FAM220A: variants seen among roughly 807,000 people sequenced by gnomAD.
FAM220A encodes family with sequence similarity 220 member A.
For synonymous variants in FAM220A, 141 were observed against 130.7 expected (o/e 1.08, Z -0.54); for missense variants, 392 against 321.6 (o/e 1.22, Z -1.68).
At chr7:6,340,115 C>T (rs1781821650) in intron 1 of FAM220A, among the ~76,000 whole-genome samples, 1 of 151,850 alleles carries the variant, frequency 6.6e-6, no homozygotes, top group Non-Finnish European at 1.5e-5. Context: ...AAACTCCTGA[C>T]CTCAGGTGAT....
chr7:6,348,956 G>A lies in FAM220A; in HGVS notation c.-465C>T. On this transcript the variant is annotated 5_prime_UTR_variant, in exon 1 of 2. Coordinates refer to ENST00000313324, the MANE Select transcript of FAM220A (RefSeq NM_001037163.2). ...GCGAGCAGCCGCCTGTACCAGCCTGGCCGCGCAGCCTGACGTCACAAAGCC... is the reference window on the plus strand; with the variant it reads ...GCGAGCAGCCGCCTGTACCAGCCTGACCGCGCAGCCTGACGTCACAAAGCC... The A allele has an allele frequency of 2.7e-6, 1 of 377,232 alleles. No individual in the cohort carries two copies. Among genetic ancestry groups the A allele is most frequent in the Non-Finnish European group, 4.7e-6 (1 of 213,116 alleles). 23.4% of individuals were successfully genotyped at this position (377,232 alleles called of 1,614,324 possible). A position where few individuals can be genotyped will look rare whatever the true frequency, so the allele number is the denominator to read the frequency against.
In FAM220A at chr7:6,330,472, T is replaced by C. The variant is rs1338876418; in HGVS notation, c.683A>G (p.Lys228Arg). 6.2e-7 allele frequency: 1 copy of C among 1,614,200 alleles called. No individual in the cohort carries two copies. The highest frequency in any genetic ancestry group is 8.5e-7 in the Non-Finnish European group (1 of 1,180,042). ...PMFSKQTIEF[K>R]KMLKSTSDGL... ...ATCTGAGGTGCTTTTAAGCATTTTC[T>C]TGAATTCTATTGTTTGCTTTGAAAA... The change falls in exon 2 of 2, where the codon AAG becomes AGG. Residue 228 changes from lysine (K) to arginine (R), a missense_variant. Coordinates refer to ENST00000313324, the MANE Select transcript of FAM220A (RefSeq NM_001037163.2).
chr7:6,336,754 G>A (rs1001831976), intron 1 of FAM220A, among the ~76,000 whole-genome samples: 1 of 150,342 alleles, frequency 6.7e-6, no homozygotes, highest in African/African-American at 2.4e-5. Context: ...CCTCAAGGTT[G>A]GGTCATCACC....
chr7:6,347,008 T>C (rs1781964174), intron 1 of FAM220A, among the ~76,000 whole-genome samples: 1 of 151,966 alleles, frequency 6.6e-6, no homozygotes, highest in Admixed American at 6.6e-5. Flanking sequence ...AATTCTCGAG[T>C]TGACAACCTT....
At chr7:6,347,973 C>T (rs1299446302) in intron 1 of FAM220A, among the ~76,000 whole-genome samples, 1 of 150,564 alleles carries the variant, frequency 6.6e-6, no homozygotes, top group African/African-American at 2.4e-5. Context: ...CGCAATGGAG[C>T]GATCTCGGCT....
intron 1 of FAM220A, among the ~76,000 whole-genome samples, chr7:6,334,752 C>T (rs1781712274): frequency 6.6e-6 from 1 of 151,936 alleles, no homozygotes; most frequent in South Asian, 2.1e-4. Context: ...AGGCGTGAGC[C>T]ACCACGCCCA....
At chr7:6,344,181 T>C (rs1347186989) in intron 1 of FAM220A, among the ~76,000 whole-genome samples, 3 of 151,126 alleles carry the variant, frequency 2.0e-5, no homozygotes, top group East Asian at 3.9e-4. Context: ...GCTGTCCCCC[T>C]TATTCCTTCA....
intron 1 of FAM220A, among the ~76,000 whole-genome samples, chr7:6,337,728 G>C (rs1319307515): frequency 6.6e-6 from 1 of 151,570 alleles, no homozygotes; most frequent in Non-Finnish European, 1.5e-5. Context: ...GTCCCCTGAA[G>C]TTCTTCTAGT....
rs1781610803 is a variant in FAM220A at position 6,330,616 on chromosome 7, C to T, written c.539G>A (p.Gly180Asp). 6.2e-7 allele frequency: 1 copy of T among 1,613,982 alleles called. No individual in the cohort carries two copies. The highest frequency in any genetic ancestry group is 1.3e-5 in the African/African-American group (1 of 74,896). Reference sequence around the variant, plus strand: ...CAGGCAAGCGGGTTCCAACTCAGAGCCCAGACCCTTGGGAAAAGCACTTGG... The same window carrying T: ...CAGGCAAGCGGGTTCCAACTCAGAGTCCAGACCCTTGGGAAAAGCACTTGG... ...DPPSAFPKGL[G>D]SELEPACLHS... The change falls in exon 2 of 2, where the codon GGC (glycine) becomes GAC (aspartate). Residue 180 changes from glycine (G) to aspartate (D), a missense_variant. By Grantham distance (94) the Gly-to-Asp change is moderately conservative. Coordinates refer to ENST00000313324, the MANE Select transcript of FAM220A (RefSeq NM_001037163.2).
intron 1 of FAM220A, among the ~76,000 whole-genome samples, chr7:6,347,504 ACT>A (rs968270199): frequency 4.7e-5 from 7 of 148,244 alleles, no homozygotes; most frequent in African/African-American, 1.5e-4. Flanking sequence ...CAAGAGTAAG[ACT>A]CTGTCTCAGG....
Position 6,331,025 on chromosome 7 carries a change from G to A in FAM220A, c.130C>T (p.Pro44Ser), listed in dbSNP as rs1239324607. 32 of 1,613,968 alleles carry A rather than the reference G, an allele frequency of 2.0e-5. No homozygotes were observed. Among genetic ancestry groups the A allele is most frequent in the Non-Finnish European group, 2.6e-5 (31 of 1,180,044 alleles). Residue 44 changes from proline (P) to serine (S), a missense_variant, in exon 2 of 2, where the codon CCC becomes TCC. Coordinates refer to ENST00000313324, the MANE Select transcript of FAM220A (RefSeq NM_001037163.2). ...MPEGPWPADA[P>S]SWMNKPVVDG... ...ACCACAGGCTTATTCATCCAGGAGG[G>A]TGCATCTGCAGGCCAAGGGCCCTCC... is the stretch of plus-strand genomic sequence containing the variant.
At chr7:6,344,676 C>T (rs1781924905) in intron 1 of FAM220A, among the ~76,000 whole-genome samples, 1 of 152,112 alleles carries the variant, frequency 6.6e-6, no homozygotes, top group Non-Finnish European at 1.5e-5. Context: ...ACCTTGGACT[C>T]CCAAAGTGCT....
At chr7:6,340,965 T>TAA (rs149288000) in intron 1 of FAM220A, among the ~76,000 whole-genome samples, 38,824 of 86,800 alleles carry the variant, frequency 0.45, 8,436 homozygotes, top group African/African-American at 0.57. Context: ...CTGTCTCTAC[T>TAA]AAAAAAAAAA....
chr7:6,340,617 T>C (rs1186988508), intron 1 of FAM220A, among the ~76,000 whole-genome samples: 1 of 151,978 alleles, frequency 6.6e-6, no homozygotes, highest in Non-Finnish European at 1.5e-5. Context: ...TAAAAAATTA[T>C]GAGTGCTGGC....
intron 1 of FAM220A, chr7:6,338,761 C>T (rs1314706254): frequency 6.6e-6 from 1 of 152,380 alleles, no homozygotes; most frequent in Non-Finnish European, 1.5e-5. Context: ...CCAAGCTATT[C>T]CTGGCCTCCA....
intron 1 of FAM220A, among the ~76,000 whole-genome samples, chr7:6,344,877 G>C (rs951045349): frequency 6.6e-6 from 1 of 152,118 alleles, no homozygotes; most frequent in African/African-American, 2.4e-5. Flanking sequence ...AAGTAGCTGG[G>C]ATGACAGGCG....
intron 1 of FAM220A, among the ~76,000 whole-genome samples, chr7:6,348,213 G>C (rs551988767): frequency 7.5e-6 from 1 of 133,326 alleles, no homozygotes; most frequent in Non-Finnish European, 1.6e-5. Flanking sequence ...GCCGAGACCC[G>C]TCTTTACAAT....
intron 1 of FAM220A, 80 bp from the exon 2 acceptor site, chr7:6,331,315 TAACA>T (rs1431951757): frequency 5.9e-6 from 4 of 680,200 alleles, no homozygotes; most frequent in East Asian, 2.7e-5. Flanking sequence ...AAATATTTCC[TAACA>T]AACACTGAGA....
intron 1 of FAM220A, among the ~76,000 whole-genome samples, chr7:6,332,278 A>G (rs1248333280): frequency 6.6e-6 from 1 of 152,082 alleles, no homozygotes; most frequent in Admixed American, 6.6e-5. Context: ...AAACCTTAAG[A>G]GTAAGGCAAA....
Sources: allele counts gnomAD v4.1 joint callset (sites outside exome capture counted in the v4.1 genomes callset), GRCh38; gene constraint gnomAD v4.1.1; transcripts MANE v1.5; gene names NCBI Gene and HGNC (gene_info 2026-07-23, HGNC 2026-07-21).